The following ABR variants were observed in gnomAD, a reference collection of about 807,000 sequenced individuals.
ABR encodes ABR activator of RhoGEF and GTPase.
Under a neutral mutation model 107.2 loss-of-function variants are expected in ABR, and 35 were observed. That is an observed-to-expected ratio of 0.33 (90% confidence interval 0.25 to 0.43). ABR has a LOEUF of 0.43. Among genes scored for constraint, ABR ranks in the 20% least tolerant of loss-of-function variants. The pLI, the probability that ABR is intolerant of heterozygous loss-of-function variation, is 1.00. For synonymous variants in ABR, 498 were observed against 462.0 expected, an observed-to-expected ratio of 1.08 and a Z score of -1.00; for missense variants, 815 against 1,115.2, an observed-to-expected ratio of 0.73 and a Z score of 3.83.
chr17:1,212,302 A>C (rs12950977), intron 1 of ABR, among the ~76,000 whole-genome samples: 88,079 of 151,594 alleles, frequency 0.58, 26,963 homozygotes, highest in Non-Finnish European at 0.69. Context: ...GTGGTGGTAC[A>C]TGCCTGTGGT....
At chr17:1,017,491 CAG>C (rs1412075852) in intron 16 of ABR, among the ~76,000 whole-genome samples, 4 of 120,724 alleles carry the variant, frequency 3.3e-5, no homozygotes, top group East Asian at 5.0e-4. Flanking sequence ...TTTTTTGAGA[CAG>C]AGTTTCACTC....
At chr17:1,072,924 A>T (rs879539793) in intron 7 of ABR, among the ~76,000 whole-genome samples, 170 bp from the exon 8 acceptor site, 42 of 152,128 alleles carry the variant, frequency 2.8e-4, no homozygotes, top group Non-Finnish European at 4.7e-4. Flanking sequence ...CTCATGCCTG[A>T]AATCCCAGCA....
At chr17:1,072,435 T>G in intron 8 of ABR, among the ~76,000 whole-genome samples, 179 bp downstream of exon 8, 1 of 88,184 alleles carries the variant, frequency 1.1e-5, no homozygotes, top group African/African-American at 4.7e-5. Context: ...CTGCCGCCCG[T>G]GTGTGAGAGA....
At chr17:1,035,221 G>C (rs1378645484) in intron 16 of ABR, among the ~76,000 whole-genome samples, 4 of 151,514 alleles carry the variant, frequency 2.6e-5, no homozygotes, top group Non-Finnish European at 5.9e-5. Context: ...CTGAATTCTA[G>C]TCGCTGCAGC....
chr17:1,065,648 C>G (rs1265716130), intron 10 of ABR, among the ~76,000 whole-genome samples: 4 of 151,914 alleles, frequency 2.6e-5, no homozygotes, highest in East Asian at 1.9e-4. Flanking sequence ...GTATGTAGTA[C>G]ACTCATTTCC....
chr17:1,212,023 A>G (rs773328415), intron 1 of ABR, among the ~76,000 whole-genome samples: 5 of 151,886 alleles, frequency 3.3e-5, no homozygotes, highest in Non-Finnish European at 7.4e-5. Context: ...TGGAGGTTGC[A>G]GTGAGCCGAG....
intron 3 of ABR, among the ~76,000 whole-genome samples, chr17:1,093,689 G>C (rs1436886811): frequency 2.0e-5 from 3 of 151,962 alleles, no homozygotes; most frequent in Non-Finnish European, 4.4e-5. Flanking sequence ...AGCTCCCTCT[G>C]AACGACGACC....
intron 2 of ABR, among the ~76,000 whole-genome samples, chr17:1,104,119 C>T (rs1042265180): frequency 2.6e-5 from 4 of 152,166 alleles, no homozygotes; most frequent in African/African-American, 7.2e-5. Flanking sequence ...GCCTCTGCCA[C>T]GCTGCCTACC....
At chr17:1,182,608 C>T (rs558515491), upstream of ABR, among the ~76,000 whole-genome samples, 5 of 152,246 alleles carry the variant, frequency 3.3e-5, no homozygotes, top group Admixed American at 6.5e-5. Context: ...CCTCGTGATC[C>T]GCCCGCCTCG....
intron 2 of ABR, among the ~76,000 whole-genome samples, chr17:1,124,289 G>A (rs1022575397): frequency 5.9e-5 from 9 of 152,160 alleles, no homozygotes; most frequent in African/African-American, 1.9e-4. Flanking sequence ...GCATCTCAGC[G>A]ACTGCTCCTC....
intron 1 of ABR, among the ~76,000 whole-genome samples, chr17:1,208,609 C>T (rs1445439351): frequency 6.6e-6 from 1 of 152,204 alleles, no homozygotes; most frequent in Admixed American, 6.5e-5. Flanking sequence ...GAGCTGCCGG[C>T]CGGGCACAGT....
At chr17:1,096,858 G>C (rs1450092506) in intron 3 of ABR, among the ~76,000 whole-genome samples, 1 of 148,336 alleles carries the variant, frequency 6.7e-6, no homozygotes, top group Non-Finnish European at 1.5e-5. Flanking sequence ...GAGAGAGCTG[G>C]GGAATGGGGG....
At position 1,071,985 on chromosome 17, in the gene ABR, C is replaced by T. The variant is rs775078127; in HGVS notation, c.894+629G>A. 9.2e-5 allele frequency among the ~76,000 whole-genome samples: 14 copies of T among 152,204 alleles called. No individual in the cohort carries two copies. Among genetic ancestry groups the T allele is most frequent in the African/African-American group, 2.9e-4 (12 of 41,438 alleles). On this transcript the variant is annotated intron_variant, in intron 8 of 22. Coordinates refer to ENST00000302538, the MANE Select transcript of ABR (RefSeq NM_021962.5). This position sits in a 1 kb window ranked among gnomAD's most constrained non-coding sequence, Gnocchi z 5.1. ...GTGGTGCGATCTCGGCTCACTGTAA[C>T]CTCCGCCTCCTGGGTTCAAGCAATT...
intron 22 of ABR, among the ~76,000 whole-genome samples, chr17:1,006,434 C>T (rs2070042241): frequency 6.6e-6 from 1 of 152,184 alleles, no homozygotes; most frequent in African/African-American, 2.4e-5. Context: ...CTGGGTCTTG[C>T]AGGAATCCCA....
At chr17:1,151,911 T>A (rs927479304) in intron 1 of ABR, among the ~76,000 whole-genome samples, 5 of 151,810 alleles carry the variant, frequency 3.3e-5, no homozygotes, top group Admixed American at 3.3e-4. Flanking sequence ...TCCCAGCACT[T>A]TGAGAGGCCG....
At chr17:1,105,101 C>T (rs529681339) in intron 2 of ABR, among the ~76,000 whole-genome samples, 7 of 151,358 alleles carry the variant, frequency 4.6e-5, no homozygotes, top group African/African-American at 9.7e-5. Context: ...CTCCATCTCC[C>T]GGGTTCAAGT....
rs887543184 is a variant in ABR, at chr17:1,031,826, CCCG to C, written c.1791+18221_1791+18223del. 1.6e-4 allele frequency: 198 copies of C among 1,226,940 alleles called. No homozygotes were observed. The African/African-American group carries it at 3.0e-3, about 18-fold the overall frequency. The allele number at this position is 1,226,940 out of a possible 1,614,324, so 76.0% of individuals were successfully genotyped here. A position where few individuals can be genotyped will look rare whatever the true frequency, so the allele number is the denominator to read the frequency against. The stretch of plus-strand genomic sequence containing the variant: ...CTGCCAGTCCCGCTAGTTCCCTAGT[CCCG>C]CCGGCTTTCCCCGCGCTCGCCTCCC... On this transcript the variant is annotated intron_variant, in intron 16 of 22. Transcript: ENST00000302538.
intron 7 of ABR, among the ~76,000 whole-genome samples, chr17:1,073,040 C>T (rs186899447): frequency 2.9e-3 from 434 of 151,956 alleles, no homozygotes; most frequent in African/African-American, 9.8e-3. Flanking sequence ...ATTAGCTGGG[C>T]GTGGTGGCGG....
intron 2 of ABR, chr17:1,109,056 C>T: frequency 6.3e-7 from 1 of 1,595,144 alleles, no homozygotes; most frequent in South Asian, 1.1e-5. Flanking sequence ...ATCGCCTCCT[C>T]TTCCTCCTCC....
Sources: gnomAD v4.1 joint callset for allele counts (sites outside exome capture counted in the v4.1 genomes callset) on GRCh38, gnomAD v4.1.1 for gene constraint, Gnocchi (gnomAD v3.1) non-coding constraint, MANE v1.5 for transcripts, NCBI Gene and HGNC (gene_info 2026-07-23, HGNC 2026-07-21) for gene names.